The following CDKN2AIPNL variants were observed in gnomAD, a reference collection of about 807,000 sequenced individuals.
CDKN2AIPNL encodes XRN2 binding domain containing 1.
CDKN2AIPNL carries 9 observed loss-of-function variants against 12.9 expected under a neutral mutation model. The observed-to-expected ratio is 0.70, with a 90% CI of 0.42 to 1.22. The LOEUF is 1.22. Ranked by LOEUF, CDKN2AIPNL falls within the 50% of genes most tolerant of loss-of-function variation. CDKN2AIPNL has a pLI of 0.00. For synonymous variants in CDKN2AIPNL, 53 were observed against 61.7 expected, an observed-to-expected ratio of 0.86 and a Z score of 0.66; for missense variants, 143 against 153.6, an observed-to-expected ratio of 0.93 and a Z score of 0.37.
chr5:134,403,812 G>C (rs1759063320), intron 2 of CDKN2AIPNL, among the ~76,000 whole-genome samples: 1 of 152,180 alleles, frequency 6.6e-6, no homozygotes, highest in Non-Finnish European at 1.5e-5. Context: ...TTTTAGTAGA[G>C]ATGGGGTTTC....
intron 2 of CDKN2AIPNL, among the ~76,000 whole-genome samples, chr5:134,404,080 A>G (rs1238283562): frequency 6.6e-6 from 1 of 152,248 alleles, no homozygotes. Context: ...ATGACAGGAC[A>G]GACCAAGGCT....
At chr5:134,410,913 T>C (rs1353708922) in intron 1 of CDKN2AIPNL, 2 of 657,214 alleles carry the variant, frequency 3.0e-6, no homozygotes, top group African/African-American at 1.8e-5. Context: ...ACCTTCCTCA[T>C]GGAGGGGTGA....
At chr5:134,404,448 C>G (rs1421102032) in intron 2 of CDKN2AIPNL, among the ~76,000 whole-genome samples, 1 of 152,068 alleles carries the variant, frequency 6.6e-6, no homozygotes, top group African/African-American at 2.4e-5. Flanking sequence ...CTCAGCCTCT[C>G]GAGTAGCTGG....
intron 2 of CDKN2AIPNL, among the ~76,000 whole-genome samples, chr5:134,408,135 ATAAAT>A (rs1411011153): frequency 6.6e-6 from 1 of 152,090 alleles, no homozygotes; most frequent in Non-Finnish European, 1.5e-5. Context: ...TATCTAAAAA[ATAAAT>A]TAAAAATAAA....
intron 2 of CDKN2AIPNL, among the ~76,000 whole-genome samples, chr5:134,404,326 A>AT (rs557351689): frequency 3.2e-4 from 48 of 151,898 alleles, no homozygotes; most frequent in Middle Eastern, 3.4e-3. Flanking sequence ...TGACAGGCTG[A>AT]TTTTTTTTAA....
intron 2 of CDKN2AIPNL, among the ~76,000 whole-genome samples, chr5:134,407,646 G>A (rs945327173): frequency 2.6e-5 from 4 of 151,836 alleles, no homozygotes; most frequent in Non-Finnish European, 4.4e-5. Flanking sequence ...GTGGTGGCAG[G>A]CGCCTGTAAT....
At position 134,409,888 on chromosome 5, in the gene CDKN2AIPNL, G is replaced by A; in HGVS notation, c.339+15C>T. ...CTACACCATTTCATCACATGCACTT[G>A]GAAATCCTATTTACCTTTTTCATTA... On this transcript the variant is annotated intron_variant, in intron 2 of 2. Coordinates refer to ENST00000458198, the MANE Select transcript of CDKN2AIPNL (RefSeq NM_080656.3). 6.5e-7 allele frequency: 1 copy of A among 1,545,866 alleles called. No homozygotes were observed. Among genetic ancestry groups the A allele is most frequent in the Non-Finnish European group, 8.9e-7 (1 of 1,120,382 alleles).
rs571169477 is a variant in CDKN2AIPNL at position 134,408,452 on chromosome 5, G to C, written c.339+1451C>G. Among the ~76,000 whole-genome samples, 6 of 148,138 alleles carry C rather than the reference G, an allele frequency of 4.1e-5. No individual in the cohort carries two copies. In the East Asian group the frequency reaches 1.2e-3, roughly 29 times the overall value. On this transcript the variant is annotated intron_variant, in intron 2 of 2. Coordinates refer to ENST00000458198, the MANE Select transcript of CDKN2AIPNL (RefSeq NM_080656.3). ...TGGGAGGCCGAGGCGGGCGGATCAC[G>C]AGGTCAGGAGATCGAGACCATCCTG... is the stretch of plus-strand genomic sequence containing the variant.
In CDKN2AIPNL at chr5:134,402,070, TCAA is replaced by T. The variant is rs1433317840; in HGVS notation, c.*842_*844del. On this transcript the variant is annotated 3_prime_UTR_variant, in exon 3 of 3. Transcript: ENST00000458198. ...AAATTAATTACCTGCCATTATTACA[TCAA>T]CAACAAAAAGGCATTTTATTTTATT... The T allele has an allele frequency of 6.6e-6, 1 of 152,254 alleles. No homozygotes were observed. The highest frequency in any genetic ancestry group is 2.1e-4 in the South Asian group (1 of 4,830). 9.4% of individuals were successfully genotyped at this position (152,254 alleles called of 1,614,324 possible).
intron 2 of CDKN2AIPNL, among the ~76,000 whole-genome samples, chr5:134,407,005 G>A (rs1312585173): frequency 6.6e-6 from 1 of 152,180 alleles, no homozygotes; most frequent in Non-Finnish European, 1.5e-5. Context: ...TTATTTGAAG[G>A]AAGTTGCAAC....
intron 2 of CDKN2AIPNL, among the ~76,000 whole-genome samples, chr5:134,403,949 A>C (rs1759066028): frequency 6.6e-6 from 1 of 152,180 alleles, no homozygotes; most frequent in Admixed American, 6.5e-5. Flanking sequence ...CAGATGAAAA[A>C]ACAAAATTCC....
chr5:134,408,686 A>AAAAC (rs745665460), intron 2 of CDKN2AIPNL, among the ~76,000 whole-genome samples: 7 of 152,070 alleles, frequency 4.6e-5, no homozygotes, highest in Admixed American at 6.6e-5. Flanking sequence ...CTCCCTCTCA[A>AAAAC]AAACAAACAA....
At position 134,411,756 on chromosome 5, in the gene CDKN2AIPNL, G is replaced by C. The variant is rs1554116182; in HGVS notation, c.99C>G (p.Ser33Arg). 6.2e-7 allele frequency: 1 copy of C among 1,612,180 alleles called. No individual in the cohort carries two copies. The highest frequency in any genetic ancestry group is 8.5e-7 in the Non-Finnish European group (1 of 1,179,544). ...CCATGCGGGCCTTCCATTGCTTCTC[G>C]CTCTCTGAGTAGGAGCGGAACTGCT... ...FAEQFRSYSESEKQWKARMEF... is the reference protein window; with the variant it reads ...FAEQFRSYSEREKQWKARMEF... Residue 33 changes from serine to arginine, a missense_variant, in exon 1 of 3, where the codon AGC becomes AGG. Ser to Arg is a moderately radical substitution (Grantham distance 110). Around this residue, in one of 3 missense-constraint regions of CDKN2AIPNL, gnomAD observed 111 missense variants for 111.4 expected, o/e 1.00. Transcript: ENST00000458198.
chr5:134,403,645 G>A (rs2149696709), intron 2 of CDKN2AIPNL, among the ~76,000 whole-genome samples: 1 of 152,282 alleles, frequency 6.6e-6, no homozygotes, highest in South Asian at 2.1e-4. Context: ...TTTTATTTGA[G>A]ACGGAGTCTC....
At chr5:134,404,789 TTTTC>T (rs1054847770) in intron 2 of CDKN2AIPNL, among the ~76,000 whole-genome samples, 1 of 152,140 alleles carries the variant, frequency 6.6e-6, no homozygotes, top group African/African-American at 2.4e-5. Context: ...TCAAATTTCT[TTTTC>T]TTTCTTTTTT....
chr5:134,411,726 G>A lies in CDKN2AIPNL; in HGVS notation c.129C>T (p.Phe43=), dbSNP rs755574360. ...GGTAGTCGGGCAGGTGGCGCAGGATGAATTCCATGCGGGCCTTCCATTGCT... is the reference window on the plus strand; with the variant it reads ...GGTAGTCGGGCAGGTGGCGCAGGATAAATTCCATGCGGGCCTTCCATTGCT... The part of the protein sequence containing the change: ...SEKQWKARME[F]ILRHLPDYRD... The change falls in exon 1 of 3, where the codon TTC becomes TTT. Residue 43 remains phenylalanine, a synonymous_variant. Transcript: ENST00000458198. 1.2e-6 allele frequency: 2 copies of A among 1,613,224 alleles called. No individual in the cohort carries two copies. Among genetic ancestry groups the A allele is most frequent in the Non-Finnish European group, 1.7e-6 (2 of 1,179,880 alleles).
At chr5:134,410,475 G>C (rs1271872016) in intron 1 of CDKN2AIPNL, 3 of 163,526 alleles carry the variant, frequency 1.8e-5, no homozygotes, top group African/African-American at 7.2e-5. Flanking sequence ...AGAAATACCA[G>C]TACAGCAGAT....
rs747781238 is a variant in CDKN2AIPNL, at chr5:134,409,935, G to T, written c.307C>A (p.Gln103Lys). Residue 103 changes from glutamine (Q) to lysine (K), a missense_variant, in exon 2 of 3, where the codon CAA (glutamine) becomes AAA (lysine). By Grantham distance (53) the Gln-to-Lys change is moderately conservative (BLOSUM62 1). Coordinates refer to ENST00000458198, the MANE Select transcript of CDKN2AIPNL (RefSeq NM_080656.3). Reference protein sequence around the residue: ...ADGIEVEDLPQFTTRSELMKK... With the variant: ...ADGIEVEDLPKFTTRSELMKK... The stretch of plus-strand genomic sequence containing the variant: ...ATTAATTCACTTCTGGTAGTAAATT[G>T]TGGCAGGTCTTCCACTTCAATCCCA... 1 of 1,611,872 alleles carries T rather than the reference G, an allele frequency of 6.2e-7. No homozygotes were observed. The highest frequency in any genetic ancestry group is 8.5e-7 in the Non-Finnish European group (1 of 1,179,418).
At chr5:134,406,239 ACTGT>A (rs1175272284) in intron 2 of CDKN2AIPNL, among the ~76,000 whole-genome samples, 1 of 152,190 alleles carries the variant, frequency 6.6e-6, no homozygotes, top group Non-Finnish European at 1.5e-5. Context: ...AATCATCATC[ACTGT>A]CTGTCTTGAG....
Sources: gnomAD v4.1 joint callset for allele counts (sites outside exome capture counted in the v4.1 genomes callset) on GRCh38, gnomAD v4.1.1 for gene constraint, gnomAD v4.1.1 regional missense constraint, MANE v1.5 for transcripts, NCBI Gene and HGNC (gene_info 2026-07-23, HGNC 2026-07-21) for gene names.